Variants in CDH6 observed in about 807,000 individuals in gnomAD.
CDH6 encodes the protein cadherin 6.
A neutral mutation model predicts 78.0 loss-of-function variants in CDH6; 31 were observed. The observed-to-expected ratio is 0.40, with a 90% CI of 0.30 to 0.54. CDH6 has a LOEUF of 0.54. Ranked by LOEUF, CDH6 falls within the 20% of genes least tolerant of loss-of-function variation. The probability of loss-of-function intolerance (pLI) is 0.56; values close to 1 mark genes in which losing one functional copy is unlikely to be tolerated. For missense variants in CDH6, 724 were observed against 975.9 expected (o/e 0.74, Z 3.44); for synonymous variants, 376 against 368.8 (o/e 1.02, Z -0.23).
chr5:31,323,400 G>T lies in CDH6; in HGVS notation c.*92G>T, dbSNP rs911721430. On this transcript the variant is annotated 3_prime_UTR_variant, in exon 12 of 12. Coordinates refer to ENST00000265071, the MANE Select transcript of CDH6 (RefSeq NM_004932.4). ...TCCACTACTCCGTGAAGGCTTCTCTGTTCTACCCGTTCCAAAAGCCAATGG... is the reference window on the plus strand; with the variant it reads ...TCCACTACTCCGTGAAGGCTTCTCTTTTCTACCCGTTCCAAAAGCCAATGG... 3 of 1,402,506 alleles carry T rather than the reference G, an allele frequency of 2.1e-6. No individual in the cohort carries two copies. Among genetic ancestry groups the T allele is most frequent in the Non-Finnish European group, 2.9e-6 (3 of 1,034,716 alleles). 86.9% of individuals were successfully genotyped at this position (1,402,506 alleles called of 1,614,324 possible).
chr5:31,241,719 G>A (rs1038592047), intron 1 of CDH6, among the ~76,000 whole-genome samples: 1 of 152,198 alleles, frequency 6.6e-6, no homozygotes, highest in Non-Finnish European at 1.5e-5. Flanking sequence ...GATTGCATGG[G>A]AAGTTTTTAT....
intron 1 of CDH6, among the ~76,000 whole-genome samples, chr5:31,214,174 GA>G (rs900007665): frequency 6.6e-6 from 1 of 151,066 alleles, no homozygotes; most frequent in African/African-American, 2.4e-5. Flanking sequence ...AGCAGTCTGG[GA>G]AAAAACCAGA....
chr5:31,208,979 C>T (rs920185814), intron 1 of CDH6, among the ~76,000 whole-genome samples: 1 of 152,076 alleles, frequency 6.6e-6, no homozygotes, highest in African/African-American at 2.4e-5. Flanking sequence ...ACATGCAGTT[C>T]AACCCAGCTC....
rs1409846342 is a variant in CDH6, at chr5:31,302,770, AAAGAAGAAAG to A, written c.999+474_999+483del. ...AGGAAGGAGAAAGAAAGAAAGAAAG[AAAGAAGAAAG>A]AGAGAGAGAGAGAGAGAGAGAAAGA... On this transcript the variant is annotated intron_variant, in intron 6 of 11. Coordinates refer to ENST00000265071, the MANE Select transcript of CDH6 (RefSeq NM_004932.4). Among the ~76,000 whole-genome samples the A allele has an allele frequency of 1.3e-4, 9 of 68,930 alleles. No individual in the cohort carries two copies. The East Asian group carries it at 3.9e-3, about 30-fold the overall frequency. 45.2% of individuals were successfully genotyped at this position (68,930 alleles called of 152,430 possible).
intron 1 of CDH6, among the ~76,000 whole-genome samples, chr5:31,228,456 G>C (rs753542158): frequency 6.6e-6 from 1 of 152,190 alleles, no homozygotes; most frequent in African/African-American, 2.4e-5. Context: ...TTGTGGAATG[G>C]AGAAAAGTAT....
At chr5:31,309,117 A>C (rs2149955630) in intron 7 of CDH6, among the ~76,000 whole-genome samples, 1 of 152,226 alleles carries the variant, frequency 6.6e-6, no homozygotes, top group East Asian at 1.9e-4. Context: ...TAGCTGTTTC[A>C]TTTGTTTCAA....
chr5:31,297,521 T>A (rs1217940649), intron 4 of CDH6, 113 bp downstream of exon 4: 1 of 707,348 alleles, frequency 1.4e-6, no homozygotes, highest in African/African-American at 1.8e-5. Context: ...CTTGCATACA[T>A]CCACCAAACA....
chr5:31,214,936 T>C (rs1425692181), intron 1 of CDH6, among the ~76,000 whole-genome samples: 3 of 152,228 alleles, frequency 2.0e-5, no homozygotes, highest in African/African-American at 7.2e-5. Flanking sequence ...GTTTCTATGA[T>C]TGAAATTATA....
intron 1 of CDH6, among the ~76,000 whole-genome samples, chr5:31,205,804 A>T (rs1561022277): frequency 6.6e-6 from 1 of 152,194 alleles, no homozygotes; most frequent in African/African-American, 2.4e-5. Context: ...TTACTTAAGG[A>T]TTAAAAATAA....
chr5:31,200,567 T>TACATACAC (rs1554035112), intron 1 of CDH6, among the ~76,000 whole-genome samples: 1 of 144,372 alleles, frequency 6.9e-6, no homozygotes, highest in Non-Finnish European at 1.5e-5. Flanking sequence ...CACACATACA[T>TACATACAC]ACACACACAC....
In CDH6 at chr5:31,324,630, C is replaced by A. The variant is rs758195398; in HGVS notation, c.*1322C>A. Reference sequence around the variant, plus strand: ...TTTTTAACTTTGCTTTCATGACCATCCTGCCATCCTTGACTTTGAACTAAT... The same window carrying A: ...TTTTTAACTTTGCTTTCATGACCATACTGCCATCCTTGACTTTGAACTAAT... On this transcript the variant is annotated 3_prime_UTR_variant, in exon 12 of 12. Transcript: ENST00000265071. The A allele has an allele frequency of 2.8e-5, 6 of 210,792 alleles. No individual in the cohort carries two copies. The highest frequency in any genetic ancestry group is 5.8e-5 in the Non-Finnish European group (6 of 104,086). 13.1% of individuals were successfully genotyped at this position (210,792 alleles called of 1,614,324 possible).
At chr5:31,240,882 C>T (rs1741583864) in intron 1 of CDH6, among the ~76,000 whole-genome samples, 2 of 152,184 alleles carry the variant, frequency 1.3e-5, no homozygotes, top group Admixed American at 6.5e-5. Flanking sequence ...CTCTTTCCTA[C>T]CCTATCCATA....
chr5:31,218,324 T>A (rs1485580249), intron 1 of CDH6, among the ~76,000 whole-genome samples: 1 of 152,192 alleles, frequency 6.6e-6, no homozygotes, highest in Non-Finnish European at 1.5e-5. Flanking sequence ...GAAAGAGGTT[T>A]ATCTCACATG....
chr5:31,229,350 T>G (rs1243091696), intron 1 of CDH6, among the ~76,000 whole-genome samples: 1 of 152,170 alleles, frequency 6.6e-6, no homozygotes, highest in African/African-American at 2.4e-5. Context: ...TTGGCCAAAA[T>G]AGATTGGAGG....
intron 1 of CDH6, among the ~76,000 whole-genome samples, chr5:31,262,980 T>A (rs1453501246): frequency 6.6e-6 from 1 of 152,252 alleles, no homozygotes; most frequent in East Asian, 1.9e-4. Flanking sequence ...TTTAGGGGCA[T>A]GCTTGCAGCA....
chr5:31,300,377 T>C (rs1737732314), intron 5 of CDH6, among the ~76,000 whole-genome samples: 1 of 152,178 alleles, frequency 6.6e-6, no homozygotes, highest in Non-Finnish European at 1.5e-5. Flanking sequence ...ACTCATTCTA[T>C]CATGACATTT....
At chr5:31,318,937 C>T (rs80232514) in intron 11 of CDH6, 2 of 222,292 alleles carry the variant, frequency 9.0e-6, no homozygotes, top group South Asian at 1.8e-4. Flanking sequence ...ATAACAGAAG[C>T]CTTGAAACTC....
intron 2 of CDH6, among the ~76,000 whole-genome samples, chr5:31,292,563 G>A (rs926649049): frequency 1.1e-4 from 16 of 152,004 alleles, no homozygotes; most frequent in Admixed American, 2.6e-4. Context: ...TTGTAGCATA[G>A]CCCATATTCT....
intron 2 of CDH6, among the ~76,000 whole-genome samples, chr5:31,276,149 G>C (rs1425967182): frequency 1.3e-5 from 2 of 152,212 alleles, no homozygotes; most frequent in African/African-American, 4.8e-5. Context: ...AAATACATCA[G>C]CGTTCTTTGC....
Sources: allele counts gnomAD v4.1 joint callset (sites outside exome capture counted in the v4.1 genomes callset), GRCh38; gene constraint gnomAD v4.1.1; transcripts MANE v1.5; gene names NCBI Gene and HGNC (gene_info 2026-07-23, HGNC 2026-07-21).